ANKRD62: variants seen among roughly 807,000 people sequenced by gnomAD.
ANKRD62 encodes the protein ankyrin repeat domain-containing protein 62.
In ANKRD62, 61 loss-of-function variants were observed where a neutral mutation model predicts 98.8. That is an observed-to-expected ratio of 0.62 (90% CI 0.50 to 0.76). ANKRD62 has a LOEUF of 0.76. ANKRD62 is among the 30% of genes least tolerant of loss of function. The pLI, the probability that ANKRD62 is intolerant of heterozygous loss-of-function variation, is 0.00. For missense variants in ANKRD62, 933 were observed against 1,082.9 expected, an observed-to-expected ratio of 0.86 and a Z score of 1.94; for synonymous variants, 341 against 367.9, an observed-to-expected ratio of 0.93 and a Z score of 0.84.
rs750179089 is a variant in ANKRD62 at position 12,126,130 on chromosome 18, A to G, written c.2309A>G (p.Gln770Arg). Residue 770 changes from glutamine to arginine, a missense_variant, in exon 13 of 14, where the codon CAA (glutamine) becomes CGA (arginine). By Grantham distance (43) the Gln-to-Arg change is conservative. Around this residue, in one of 3 missense-constraint regions of ANKRD62, gnomAD observed 362 missense variants for 434.5 expected, o/e 0.83. Coordinates refer to ENST00000587848, the MANE Select transcript of ANKRD62 (RefSeq NM_001277333.2). ...TTGGAAAAATACGTGAGAAAGCAGC[A>G]ATCTGTAGAGGATGGACTATTTCAA... ...PILEKYVRKQQSVEDGLFQLQ... is the reference protein window; with the variant it reads ...PILEKYVRKQRSVEDGLFQLQ... 12 of 1,536,018 alleles carry G rather than the reference A, an allele frequency of 7.8e-6. No homozygotes were observed. Among genetic ancestry groups the G allele is most frequent in the African/African-American group, 1.4e-5 (1 of 73,062 alleles).
At chr18:12,139,179 T>C in the ANKRD62 span, among the ~76,000 whole-genome samples, 1 of 152,228 alleles carries the variant, frequency 6.6e-6, no homozygotes, top group Non-Finnish European at 1.5e-5. Flanking sequence ...CAGTGGCTGG[T>C]ACCGGTTGTT....
At chr18:12,161,493 G>A in the ANKRD62 span, among the ~76,000 whole-genome samples, 1 of 151,760 alleles carries the variant, frequency 6.6e-6, no homozygotes, top group African/African-American at 2.4e-5. Flanking sequence ...ATGGAGAATG[G>A]GGTATCCATC....
At chr18:12,108,691 C>T (rs570399109) in intron 8 of ANKRD62, among the ~76,000 whole-genome samples, 3 of 151,300 alleles carry the variant, frequency 2.0e-5, no homozygotes, top group African/African-American at 7.3e-5. Context: ...ATGTCTCATC[C>T]AAGACAAGGA....
intron 3 of ANKRD62, 65 bp from the exon 4 acceptor site, chr18:12,096,129 AAG>A (rs1909177193): frequency 9.3e-7 from 1 of 1,074,206 alleles, no homozygotes; most frequent in Non-Finnish European, 1.3e-6. Context: ...ATCTTAACAT[AAG>A]GTTTTCAGTT....
At chr18:12,117,601 A>G (rs1266669611) in intron 10 of ANKRD62, among the ~76,000 whole-genome samples, 1 of 152,174 alleles carries the variant, frequency 6.6e-6, no homozygotes, top group Non-Finnish European at 1.5e-5. Flanking sequence ...TAGGTTCATC[A>G]TAGATGTTCT....
chr18:12,165,305 C>A, the ANKRD62 span, among the ~76,000 whole-genome samples: 1 of 151,936 alleles, frequency 6.6e-6, no homozygotes, highest in African/African-American at 2.4e-5. Context: ...ACACACCTAG[C>A]ATTTTGTTAT....
At chr18:12,145,184 C>G in the ANKRD62 span, among the ~76,000 whole-genome samples, 1 of 152,088 alleles carries the variant, frequency 6.6e-6, no homozygotes, top group African/African-American at 2.4e-5. Context: ...TTGGCCTGCA[C>G]TCTCTGAAGG....
At position 12,094,227 on chromosome 18, in the gene ANKRD62, G is replaced by A; in HGVS notation, c.210G>A (p.Lys70=). 6.6e-7 allele frequency: 1 copy of A among 1,526,226 alleles called. No homozygotes were observed. Among genetic ancestry groups the A allele is most frequent in the Non-Finnish European group, 8.7e-7 (1 of 1,144,906 alleles). 94.5% of individuals were successfully genotyped at this position (1,526,226 alleles called of 1,614,324 possible). A position where few individuals can be genotyped will look rare whatever the true frequency, so the allele number is the denominator to read the frequency against. The change falls in exon 1 of 14, where the codon AAG becomes AAA. Residue 70 remains lysine, a synonymous_variant. Transcript: ENST00000587848. ...LRLNDLNDRD[K]KNRTALLLAC... is the part of the protein sequence containing the mutation. The stretch of plus-strand genomic sequence containing the variant: ...TGAATGACTTGAACGACAGGGACAA[G>A]AAGAACAGGTAAGGGGAACAGGAAG...
the ANKRD62 span, among the ~76,000 whole-genome samples, chr18:12,171,204 C>T: frequency 3.3e-5 from 5 of 152,048 alleles, no homozygotes; most frequent in South Asian, 2.1e-4. Flanking sequence ...TTATTTTGCC[C>T]GTTAGTTGAT....
At chr18:12,102,006 C>A (rs1392073248) in intron 6 of ANKRD62, 5 of 1,315,686 alleles carry the variant, frequency 3.8e-6, no homozygotes, top group Non-Finnish European at 5.5e-6. Flanking sequence ...GCTTCCACAG[C>A]GTGGCAACAG....
chr18:12,114,032 A>C (rs886759341), intron 8 of ANKRD62, among the ~76,000 whole-genome samples: 1 of 152,218 alleles, frequency 6.6e-6, no homozygotes, highest in Non-Finnish European at 1.5e-5. Context: ...AATTTAACAC[A>C]GTAAAAGAAA....
chr18:12,104,655 C>A (rs141439118), intron 7 of ANKRD62, among the ~76,000 whole-genome samples: 59 of 152,246 alleles, frequency 3.9e-4, no homozygotes, highest in African/African-American at 1.3e-3. Flanking sequence ...TAGGAAGAGA[C>A]ACTCCATGAT....
At chr18:12,181,147 C>T in the ANKRD62 span, among the ~76,000 whole-genome samples, 1 of 151,200 alleles carries the variant, frequency 6.6e-6, no homozygotes, top group Non-Finnish European at 1.5e-5. Context: ...AAATTCTATA[C>T]TGTGCAATTA....
chr18:12,174,954 C>T, the ANKRD62 span, among the ~76,000 whole-genome samples: 1 of 152,266 alleles, frequency 6.6e-6, no homozygotes, highest in Admixed American at 6.5e-5. Context: ...GCAGTGACAG[C>T]AGGATTCTCA....
the ANKRD62 span, among the ~76,000 whole-genome samples, chr18:12,146,743 C>T: frequency 5.4e-3 from 807 of 150,312 alleles, no homozygotes; most frequent in African/African-American, 0.019. Flanking sequence ...CCGTGCCCAG[C>T]CCAGACTGCT....
the ANKRD62 span, among the ~76,000 whole-genome samples, chr18:12,145,609 A>G: frequency 2.0e-4 from 31 of 152,014 alleles, no homozygotes; most frequent in Non-Finnish European, 3.8e-4. Context: ...ACTGGGAGGG[A>G]GCTCTCAACT....
the ANKRD62 span, among the ~76,000 whole-genome samples, chr18:12,157,209 AG>A: frequency 1.3e-5 from 2 of 152,214 alleles, no homozygotes; most frequent in African/African-American, 4.8e-5. Context: ...TATTTCAACA[AG>A]CATTTTTAAA....
chr18:12,095,718 G>A (rs1369161274), intron 3 of ANKRD62, 108 bp downstream of exon 3: 37 of 1,048,632 alleles, frequency 3.5e-5, no homozygotes, highest in Non-Finnish European at 4.6e-5. Flanking sequence ...AATATATTAC[G>A]TGCAAATATT....
In ANKRD62 at chr18:12,094,055, G is replaced by A. The variant is rs1415208232; in HGVS notation, c.38G>A (p.Arg13Lys). 6.5e-7 allele frequency: 1 copy of A among 1,535,272 alleles called. No homozygotes were observed. The change falls in exon 1 of 14, where the codon AGA (arginine) becomes AAA (lysine). Residue 13 changes from arginine (R) to lysine (K), a missense_variant. By Grantham distance (26) the Arg-to-Lys change is conservative. Around this residue, in one of 3 missense-constraint regions of ANKRD62, gnomAD observed 549 missense variants for 587.9 expected, o/e 0.93. Transcript: ENST00000587848. ...VRGSFLAACR[R>K]RMATWRKNRD... ...GGGTCGTTCCTGGCGGCCTGCAGGA[G>A]ACGCATGGCTACCTGGAGGAAGAAT...
Sources: allele counts gnomAD v4.1 joint callset (sites outside exome capture counted in the v4.1 genomes callset), GRCh38; gene constraint gnomAD v4.1.1; regional missense constraint gnomAD v4.1.1; transcripts MANE v1.5; gene names NCBI Gene and HGNC (gene_info 2026-07-23, HGNC 2026-07-21).